Variants in RBFOX1 observed in about 807,000 individuals in gnomAD.
RBFOX1 encodes RNA binding fox-1 homolog 1.
In RBFOX1, 8 loss-of-function variants were observed where a neutral mutation model predicts 57.7. That is an observed-to-expected ratio of 0.14 (90% CI 0.08 to 0.25). The LOEUF (loss-of-function observed/expected upper bound fraction) is 0.25, where lower values mean the gene tolerates loss of function less well. RBFOX1 is among the 10% of genes least tolerant of loss of function. RBFOX1 has a pLI of 1.00. For synonymous variants in RBFOX1, 326 were observed against 222.4 expected (o/e 1.47, Z -4.15); for missense variants, 611 against 548.5 (o/e 1.11, Z -1.14).
chr16:7,216,599 A>C (rs572724490), intron 4 of RBFOX1, among the ~76,000 whole-genome samples: 1 of 152,308 alleles, frequency 6.6e-6, no homozygotes, highest in South Asian at 2.1e-4. Flanking sequence ...TAGAGGTTGC[A>C]GTGAGCCCAG....
At chr16:6,859,124 TATATAC>T (rs59337558) in intron 3 of RBFOX1, among the ~76,000 whole-genome samples, 5,527 of 70,294 alleles carry the variant, frequency 0.079, 762 homozygotes, top group East Asian at 0.32. Context: ...TATATATATA[TATATAC>T]ATATATATAC....
At chr16:6,679,125 C>A (rs983888632) in intron 3 of RBFOX1, among the ~76,000 whole-genome samples, 3 of 152,064 alleles carry the variant, frequency 2.0e-5, no homozygotes, top group Non-Finnish European at 4.4e-5. Context: ...AAATATGCAG[C>A]CAGAATTTCA....
chr16:7,066,025 G>C (rs1479891697), intron 4 of RBFOX1, among the ~76,000 whole-genome samples: 1 of 152,138 alleles, frequency 6.6e-6, no homozygotes, highest in Admixed American at 6.5e-5. Context: ...AATTGAAATG[G>C]TTTAATTCAC....
At chr16:6,717,665 C>T (rs1471389542) in intron 3 of RBFOX1, among the ~76,000 whole-genome samples, 1 of 151,538 alleles carries the variant, frequency 6.6e-6, no homozygotes, top group Non-Finnish European at 1.5e-5. Context: ...CAGCAAGTGT[C>T]TTCAGAGCTG....
rs140901976 is a variant in RBFOX1, at chr16:5,276,515, T to G, written c.219+36410T>G. 9.2e-5 allele frequency among the ~76,000 whole-genome samples: 14 copies of G among 152,300 alleles called. No homozygotes were observed. In the East Asian group the frequency reaches 2.3e-3, roughly 25 times the overall value. ...TAAAGAAAAATAGGGCCAGGCGCCGTGGCTGACGCGTGTAATCCCAGTACT... is the reference window on the plus strand; with the variant it reads ...TAAAGAAAAATAGGGCCAGGCGCCGGGGCTGACGCGTGTAATCCCAGTACT... On this transcript the variant is annotated intron_variant, in intron 1 of 2. Transcript: ENST00000585867.
chr16:6,883,858 G>T (rs776016592), intron 3 of RBFOX1, among the ~76,000 whole-genome samples: 30 of 150,922 alleles, frequency 2.0e-4, no homozygotes, highest in Non-Finnish European at 3.5e-4. Context: ...GTCCTTTGTA[G>T]TAGCCAAAAT....
At position 7,239,381 on chromosome 16, in the gene RBFOX1, C is replaced by T. The variant is rs549004407; in HGVS notation, c.27+187283C>T. Among the ~76,000 whole-genome samples the T allele has an allele frequency of 2.0e-5, 3 of 152,252 alleles. No homozygotes were observed. The East Asian group carries it at 5.8e-4, about 29-fold the overall frequency. ...AGGCGTGGTGGTGCATGCCTGTAAT[C>T]CCAGTTACTTGGGAGTCTAAGGCAC... On this transcript the variant is annotated intron_variant, in intron 4 of 15. Transcript: ENST00000550418.
At chr16:5,931,047 C>G (rs950744774) in intron 4 of RBFOX1, among the ~76,000 whole-genome samples, 2 of 151,896 alleles carry the variant, frequency 1.3e-5, no homozygotes, top group East Asian at 1.9e-4. Flanking sequence ...ACTTATTTGT[C>G]CAAGAGTAGT....
chr16:7,291,367 G>A (rs1201543863), intron 4 of RBFOX1, among the ~76,000 whole-genome samples: 2 of 152,154 alleles, frequency 1.3e-5, no homozygotes, highest in African/African-American at 4.8e-5. Flanking sequence ...ACTTACCTAA[G>A]TATAGCTTTT....
At chr16:6,109,077 A>T (rs1460001526) in intron 1 of RBFOX1, among the ~76,000 whole-genome samples, 1 of 152,168 alleles carries the variant, frequency 6.6e-6, no homozygotes, top group African/African-American at 2.4e-5. Flanking sequence ...TTGATTTTCC[A>T]TTGTACAAGA....
chr16:6,118,664 CCTTCCTTCCTT>C (rs549404627), intron 1 of RBFOX1, among the ~76,000 whole-genome samples: 18 of 150,444 alleles, frequency 1.2e-4, no homozygotes, highest in Non-Finnish European at 2.2e-4. Flanking sequence ...CCCTCTCCTT[CCTTCCTTCCTT>C]CTTCCTTCCT....
At chr16:7,605,176 G>T (rs2095236101) in intron 9 of RBFOX1, among the ~76,000 whole-genome samples, 1 of 151,986 alleles carries the variant, frequency 6.6e-6, no homozygotes, top group Non-Finnish European at 1.5e-5. Flanking sequence ...TTTAAAAAAA[G>T]GAAGCAGTGG....
chr16:5,508,433 G>A (rs1597345962), intron 2 of RBFOX1, among the ~76,000 whole-genome samples: 1 of 152,376 alleles, frequency 6.6e-6, no homozygotes, highest in South Asian at 2.1e-4. Context: ...GGTAGATGCT[G>A]CAGCCTTCCT....
intron 3 of RBFOX1, among the ~76,000 whole-genome samples, chr16:5,738,989 C>T (rs1191953836): frequency 1.3e-5 from 2 of 152,012 alleles, no homozygotes; most frequent in African/African-American, 4.8e-5. Flanking sequence ...TTACTCCACA[C>T]ACCCCTTCCT....
chr16:6,889,593 C>T (rs182800449), intron 3 of RBFOX1, among the ~76,000 whole-genome samples: 175 of 152,156 alleles, frequency 1.2e-3, no homozygotes, highest in African/African-American at 4.2e-3. Context: ...GTCGAATTCC[C>T]GACTAGTTTG....
chr16:6,909,036 C>G (rs9922461), intron 3 of RBFOX1, among the ~76,000 whole-genome samples: 4,048 of 152,196 alleles, frequency 0.027, 189 homozygotes, highest in African/African-American at 0.093. Flanking sequence ...CTTATTGTTG[C>G]TATAACTAAA....
chr16:7,595,336 G>T (rs2094631644), intron 7 of RBFOX1, among the ~76,000 whole-genome samples: 1 of 152,056 alleles, frequency 6.6e-6, no homozygotes, highest in Non-Finnish European at 1.5e-5. Context: ...TACTTCAGGG[G>T]TTACAGCTAA....
chr16:5,823,910 T>G (rs1013483828), intron 3 of RBFOX1, among the ~76,000 whole-genome samples: 17 of 152,134 alleles, frequency 1.1e-4, no homozygotes, highest in African/African-American at 4.1e-4. Flanking sequence ...ATAAACATAA[T>G]GTAATTGAAT....
intron 4 of RBFOX1, among the ~76,000 whole-genome samples, chr16:7,490,029 G>A (rs1321841301): frequency 6.6e-6 from 1 of 152,122 alleles, no homozygotes; most frequent in African/African-American, 2.4e-5. Flanking sequence ...GTAGACCTGT[G>A]TCTCCCCATG....
Sources: allele counts gnomAD v4.1 joint callset (sites outside exome capture counted in the v4.1 genomes callset), GRCh38; gene constraint gnomAD v4.1.1; transcripts MANE v1.5; gene names NCBI Gene and HGNC (gene_info 2026-07-23, HGNC 2026-07-21).